The following PRR16 variants were observed in gnomAD, a reference collection of about 807,000 sequenced individuals.
PRR16 encodes the protein protein Largen.
A neutral mutation model predicts 18.2 loss-of-function variants in PRR16; 6 were observed. That is an observed-to-expected ratio of 0.33 (90% confidence interval 0.18 to 0.65). PRR16 has a LOEUF of 0.65. Ranked by LOEUF, PRR16 falls within the 30% of genes least tolerant of loss-of-function variation. The pLI, the probability that PRR16 is intolerant of heterozygous loss-of-function variation, is 0.74. For missense variants in PRR16, 412 were observed against 376.6 expected, an observed-to-expected ratio of 1.09 and a Z score of -0.78; for synonymous variants, 151 against 147.8, an observed-to-expected ratio of 1.02 and a Z score of -0.16.
At chr5:120,633,256 T>C (rs1755117540) in intron 1 of PRR16, among the ~76,000 whole-genome samples, 1 of 151,998 alleles carries the variant, frequency 6.6e-6, no homozygotes, top group Non-Finnish European at 1.5e-5. Flanking sequence ...TACACCAAAA[T>C]AGAATCTCCT....
At chr5:120,489,473 G>A (rs999802906) in intron 1 of PRR16, among the ~76,000 whole-genome samples, 8 of 151,936 alleles carry the variant, frequency 5.3e-5, no homozygotes, top group South Asian at 4.2e-4. Flanking sequence ...TAGGATTGCA[G>A]CCCCTGCCTT....
intron 1 of PRR16, among the ~76,000 whole-genome samples, chr5:120,572,467 A>C (rs1752938068): frequency 6.6e-6 from 1 of 152,196 alleles, no homozygotes; most frequent in African/African-American, 2.4e-5. Context: ...AAAATTGTAG[A>C]AATGAAAATC....
intron 1 of PRR16, among the ~76,000 whole-genome samples, chr5:120,646,048 T>TTATATATATATATATATA (rs10606917): frequency 0.021 from 2,176 of 104,098 alleles, 65 homozygotes; most frequent in East Asian, 0.031. Context: ...AATACATATT[T>TTATATATATATATATATA]TATATATATA....
At chr5:120,487,209 T>C (rs1269193925) in intron 1 of PRR16, among the ~76,000 whole-genome samples, 3 of 152,230 alleles carry the variant, frequency 2.0e-5, no homozygotes, top group African/African-American at 7.2e-5. Flanking sequence ...TTGATAGGGA[T>C]GGCATTGAAT....
chr5:120,732,532 A>G, the PRR16 span, among the ~76,000 whole-genome samples: 1 of 152,194 alleles, frequency 6.6e-6, no homozygotes. Flanking sequence ...TTGGAAGCAT[A>G]TATAATTCCT....
At chr5:120,530,208 T>G (rs1751498264) in intron 1 of PRR16, among the ~76,000 whole-genome samples, 1 of 143,814 alleles carries the variant, frequency 7.0e-6, no homozygotes, top group Non-Finnish European at 1.5e-5. Flanking sequence ...ATATATAATA[T>G]TATATATTAG....
the PRR16 span, among the ~76,000 whole-genome samples, chr5:120,785,091 A>C: frequency 1.6e-4 from 25 of 152,376 alleles, no homozygotes; most frequent in East Asian, 4.8e-3. Flanking sequence ...ACAATCTCAC[A>C]TGACTACAGT....
At chr5:120,628,105 G>A (rs1754927294) in intron 1 of PRR16, among the ~76,000 whole-genome samples, 1 of 151,996 alleles carries the variant, frequency 6.6e-6, no homozygotes, top group African/African-American at 2.4e-5. Flanking sequence ...TCTTACATGT[G>A]AAGATGGATT....
At position 120,602,924 on chromosome 5, in the gene PRR16, A is replaced by G. The variant is rs1164955440; in HGVS notation, c.160-83030A>G. ...TCTCAGGGATAAAGCCTACTTAATC[A>G]TGGTGGATTAGCTTTTTGATGTGCT... On this transcript the variant is annotated intron_variant, in intron 1 of 1. Coordinates refer to ENST00000407149, the MANE Select transcript of PRR16 (RefSeq NM_001300783.2). Among the ~76,000 whole-genome samples, 3 of 152,062 alleles carry G rather than the reference A, an allele frequency of 2.0e-5. No homozygotes were observed. The East Asian group carries it at 5.8e-4, about 29-fold the overall frequency.
chr5:120,710,099 A>G, the PRR16 span, among the ~76,000 whole-genome samples: 1 of 152,128 alleles, frequency 6.6e-6, no homozygotes. Context: ...CCAACAGTGT[A>G]TGAGCTTTCC....
chr5:120,488,084 A>G (rs1749880869), intron 1 of PRR16, among the ~76,000 whole-genome samples: 1 of 152,172 alleles, frequency 6.6e-6, no homozygotes, highest in Admixed American at 6.5e-5. Flanking sequence ...ATCGATGTTT[A>G]TCAGGGATAT....
intron 1 of PRR16, among the ~76,000 whole-genome samples, chr5:120,649,196 T>G (rs138589749): frequency 0.013 from 1,956 of 152,278 alleles, 16 homozygotes; most frequent in Middle Eastern, 0.048. Context: ...GGGAATATTT[T>G]AGGTCTATTT....
the PRR16 span, among the ~76,000 whole-genome samples, chr5:120,703,197 A>G: frequency 3.9e-5 from 6 of 152,290 alleles, no homozygotes; most frequent in East Asian, 1.2e-3. Flanking sequence ...CTTTTGAGCC[A>G]GGATGAGCCA....
the PRR16 span, among the ~76,000 whole-genome samples, chr5:120,762,578 T>C: frequency 6.6e-6 from 1 of 152,166 alleles, no homozygotes; most frequent in Non-Finnish European, 1.5e-5. Context: ...TGGCCATTTG[T>C]ATGTCTCCTT....
the PRR16 span, among the ~76,000 whole-genome samples, chr5:120,771,776 ATTTG>A: frequency 6.6e-6 from 1 of 151,982 alleles, no homozygotes; most frequent in Non-Finnish European, 1.5e-5. Context: ...TGTCCAAGAT[ATTTG>A]TTAGTATATT....
At chr5:120,530,495 T>TC (rs987593897) in intron 1 of PRR16, among the ~76,000 whole-genome samples, 1 of 151,604 alleles carries the variant, frequency 6.6e-6, no homozygotes, top group African/African-American at 2.4e-5. Flanking sequence ...CTTTTTGTAG[T>TC]CCCCCATATT....
chr5:120,722,770 A>G, the PRR16 span, among the ~76,000 whole-genome samples: 1 of 151,954 alleles, frequency 6.6e-6, no homozygotes, highest in South Asian at 2.1e-4. Flanking sequence ...GAGAACTTGA[A>G]TAAGTTACTT....
At chr5:120,721,058 TC>T in the PRR16 span, among the ~76,000 whole-genome samples, 1 of 152,102 alleles carries the variant, frequency 6.6e-6, no homozygotes, top group Non-Finnish European at 1.5e-5. Flanking sequence ...CTTTTAAACA[TC>T]ATAATTTCTT....
chr5:120,793,920 C>G, the PRR16 span, among the ~76,000 whole-genome samples: 2 of 152,048 alleles, frequency 1.3e-5, no homozygotes, highest in African/African-American at 2.4e-5. Context: ...AATTGTGAAT[C>G]TAAACATACC....
Sources: allele counts gnomAD v4.1 joint callset (sites outside exome capture counted in the v4.1 genomes callset), GRCh38; gene constraint gnomAD v4.1.1; transcripts MANE v1.5; gene names NCBI Gene and HGNC (gene_info 2026-07-23, HGNC 2026-07-21).